Variants in THADA observed in about 807,000 individuals in gnomAD.
THADA encodes the protein tRNA (32-2'-O)-methyltransferase regulator THADA.
THADA carries 213 observed loss-of-function variants against 219.8 expected under a neutral mutation model. The observed-to-expected ratio is 0.97, with a 90% CI of 0.87 to 1.09. The LOEUF (loss-of-function observed/expected upper bound fraction) is 1.09, where lower values mean the gene tolerates loss of function less well. THADA is among the 50% of genes least tolerant of loss of function. THADA has a pLI of 0.00. For synonymous variants in THADA, 1,018 were observed against 828.9 expected, an observed-to-expected ratio of 1.23 and a Z score of -3.92; for missense variants, 2,956 against 2,311.3, an observed-to-expected ratio of 1.28 and a Z score of -5.72.
intron 7 of THADA, among the ~76,000 whole-genome samples, chr2:43,583,295 A>G (rs990382716): frequency 5.9e-5 from 9 of 152,196 alleles, no homozygotes; most frequent in African/African-American, 1.7e-4. Flanking sequence ...CATCTCATCT[A>G]TAAGAAAATC....
At chr2:43,515,927 C>A (rs1218334240) in intron 22 of THADA, among the ~76,000 whole-genome samples, 1 of 152,100 alleles carries the variant, frequency 6.6e-6, no homozygotes, top group Non-Finnish European at 1.5e-5. Context: ...AACTCCTGAT[C>A]TTCCTCCAAA....
intron 15 of THADA, chr2:43,565,049 T>C (rs982341485): frequency 6.6e-6 from 1 of 152,220 alleles, no homozygotes; most frequent in African/African-American, 2.4e-5. Flanking sequence ...AATTAAAGCA[T>C]TGTATCAACA....
At chr2:43,415,308 T>C (rs1236701964) in intron 28 of THADA, among the ~76,000 whole-genome samples, 2 of 152,168 alleles carry the variant, frequency 1.3e-5, no homozygotes, top group East Asian at 3.8e-4. Context: ...GCTTATGACC[T>C]GTCAAATCAT....
intron 26 of THADA, among the ~76,000 whole-genome samples, chr2:43,437,288 T>A (rs1251664630): frequency 6.6e-6 from 1 of 152,156 alleles, no homozygotes; most frequent in Admixed American, 6.5e-5. Context: ...GTCTGTATAA[T>A]CACTAATACA....
rs930681531 is a variant in THADA, at chr2:43,230,921, C to A, written c.*27G>T. On this transcript the variant is annotated 3_prime_UTR_variant, in exon 38 of 38. Transcript: ENST00000405975. ...TTAGTGGAGGAAAAATCCACACATA[C>A]CCCCATCCCAATCCCCCAGATTTTC... is the stretch of plus-strand genomic sequence containing the variant. 1 of 1,582,312 alleles carries A rather than the reference C, an allele frequency of 6.3e-7. No homozygotes were observed. Among genetic ancestry groups the A allele is most frequent in the South Asian group, 1.2e-5 (1 of 86,834 alleles).
chr2:43,417,751 G>A (rs765796519), intron 28 of THADA, among the ~76,000 whole-genome samples: 28 of 152,166 alleles, frequency 1.8e-4, no homozygotes, highest in Non-Finnish European at 1.9e-4. Context: ...TAAAGCAGTC[G>A]CTAACAGCAT....
intron 15 of THADA, among the ~76,000 whole-genome samples, chr2:43,561,762 G>A (rs1698091723): frequency 6.6e-6 from 1 of 151,704 alleles, no homozygotes; most frequent in African/African-American, 2.4e-5. Context: ...TAATTGCTCT[G>A]GCTAGAACTT....
At chr2:43,456,003 G>A (rs919454970) in intron 26 of THADA, among the ~76,000 whole-genome samples, 5 of 152,092 alleles carry the variant, frequency 3.3e-5, no homozygotes, top group African/African-American at 9.7e-5. Flanking sequence ...CGAACTGCTC[G>A]ATTGCCAAAA....
chr2:43,530,139 T>A (rs1025439501), intron 21 of THADA, among the ~76,000 whole-genome samples: 1 of 152,082 alleles, frequency 6.6e-6, no homozygotes, highest in African/African-American at 2.4e-5. Flanking sequence ...AAAAGCAGTA[T>A]ATAATAATTT....
At chr2:43,296,874 C>A (rs993387012) in intron 31 of THADA, among the ~76,000 whole-genome samples, 1 of 150,558 alleles carries the variant, frequency 6.6e-6, no homozygotes, top group African/African-American at 2.5e-5. Flanking sequence ...GAGGAGCGGA[C>A]GGGCCCCGCG....
chr2:43,468,914 A>C (rs1684585416), intron 26 of THADA, among the ~76,000 whole-genome samples: 2 of 152,204 alleles, frequency 1.3e-5, no homozygotes, highest in South Asian at 4.1e-4. Flanking sequence ...GGGGACTAAA[A>C]TAAATTGCTC....
At chr2:43,352,240 ACT>A (rs1246471403) in intron 29 of THADA, among the ~76,000 whole-genome samples, 3 of 152,168 alleles carry the variant, frequency 2.0e-5, no homozygotes, top group South Asian at 4.1e-4. Flanking sequence ...TCAACAAGAA[ACT>A]CTTAATGTAG....
At chr2:43,376,794 G>A (rs1197736998) in intron 29 of THADA, among the ~76,000 whole-genome samples, 1 of 152,164 alleles carries the variant, frequency 6.6e-6, no homozygotes, top group Non-Finnish European at 1.5e-5. Context: ...GGGTGGCCTA[G>A]AATGAGTTTG....
At chr2:43,399,206 G>A (rs1674475852) in intron 28 of THADA, among the ~76,000 whole-genome samples, 3 of 152,164 alleles carry the variant, frequency 2.0e-5, no homozygotes, top group Admixed American at 6.5e-5. Context: ...CAATTAAAAA[G>A]GTAACTCAAC....
chr2:43,520,713 T>TATATATATATAC (rs1218079783), intron 22 of THADA, among the ~76,000 whole-genome samples: 11 of 125,128 alleles, frequency 8.8e-5, no homozygotes, highest in African/African-American at 1.8e-4. Flanking sequence ...TATATATATA[T>TATATATATATAC]ACACACACAC....
chr2:43,379,722 A>C (rs1344444944), intron 29 of THADA, among the ~76,000 whole-genome samples: 1 of 152,232 alleles, frequency 6.6e-6, no homozygotes, highest in Non-Finnish European at 1.5e-5. Flanking sequence ...ACTTATGTTC[A>C]CATAAAAACC....
rs188082743 is a variant in THADA at position 43,548,311 on chromosome 2, C to T, written c.3106+899G>A. ...CCTCCCAGTTAGGCTGCTCAGGGTT[C>T]AGGGGTCAGGGACCCACTTGAGGAG... is the stretch of plus-strand genomic sequence containing the variant. On this transcript the variant is annotated intron_variant, in intron 20 of 37. Coordinates refer to ENST00000405975, the MANE Select transcript of THADA (RefSeq NM_022065.5). 5.0e-3 allele frequency among the ~76,000 whole-genome samples: 762 copies of T among 152,358 alleles called. 6 individuals carry two copies. Among genetic ancestry groups the T allele is most frequent in the African/African-American group, 0.017 (726 of 41,584 alleles).
At chr2:43,232,420 C>T (rs188036850) in intron 37 of THADA, among the ~76,000 whole-genome samples, 67 of 152,236 alleles carry the variant, frequency 4.4e-4, no homozygotes, top group East Asian at 3.3e-3. Flanking sequence ...CCTCATGATC[C>T]GCCTGCCTTG....
At position 43,232,706 on chromosome 2, in the gene THADA, G is replaced by A. The variant is rs745662887; in HGVS notation, c.5466+7C>T. 1.2e-6 allele frequency: 2 copies of A among 1,613,194 alleles called. No homozygotes were observed. The highest frequency in any genetic ancestry group is 2.7e-5 in the African/African-American group (2 of 74,916). Reference sequence around the variant, plus strand: ...TGCCTCCTACTCCCCTGACACCCCGGGATCACCTGATGCATGCTCTCCACA... The same window carrying A: ...TGCCTCCTACTCCCCTGACACCCCGAGATCACCTGATGCATGCTCTCCACA... On this transcript the variant is annotated splice_region_variant and intron_variant, in intron 37 of 37. Transcript: ENST00000405975.
Sources: allele counts gnomAD v4.1 joint callset (sites outside exome capture counted in the v4.1 genomes callset), GRCh38; gene constraint gnomAD v4.1.1; transcripts MANE v1.5; gene names NCBI Gene and HGNC (gene_info 2026-07-23, HGNC 2026-07-21).